Variants in DCN observed in about 807,000 individuals in gnomAD.
The protein encoded by DCN is bone proteoglycan II.
Under a neutral mutation model 36.5 loss-of-function variants are expected in DCN, and 17 were observed. That is an observed-to-expected ratio of 0.47 (90% confidence interval 0.32 to 0.70). The LOEUF (loss-of-function observed/expected upper bound fraction) is 0.70. Ranked by LOEUF, DCN falls within the 30% of genes least tolerant of loss-of-function variation. DCN has a pLI of 0.04. For synonymous variants in DCN, 163 were observed against 161.4 expected (o/e 1.01, Z -0.07); for missense variants, 389 against 430.1 (o/e 0.90, Z 0.84).
intron 3 of DCN, among the ~76,000 whole-genome samples, chr12:91,162,446 TA>T (rs1403075996): frequency 1.3e-5 from 2 of 152,200 alleles, no homozygotes; most frequent in African/African-American, 4.8e-5. Context: ...TATTTTATAT[TA>T]TTTCCTTTGT....
chr12:91,175,127 T>A (rs984636844), intron 2 of DCN: 1 of 152,152 alleles, frequency 6.6e-6, no homozygotes, highest in African/African-American at 2.4e-5. Flanking sequence ...ATTTGCTAAC[T>A]CTACATTTAT....
At chr12:91,146,284 A>G in intron 7 of DCN, 32 bp from the exon 8 acceptor site, 1 of 1,344,612 alleles carries the variant, frequency 7.4e-7, no homozygotes, top group African/African-American at 1.5e-5. Context: ...AATAATTATT[A>G]TTCTCTAAAT....
rs1881850466 is a variant in DCN, at chr12:91,157,298, CTT to C, written c.539-112_539-111del. On this transcript the variant is annotated intron_variant, in intron 4 of 7. Transcript: ENST00000052754. ...ATAAAGAAATAGGGATTAATATCAA[CTT>C]GACTAAAAAACAAAAGTGAAGTTAA... 1.3e-5 allele frequency: 10 copies of C among 799,086 alleles called. No homozygotes were observed. In the South Asian group the frequency reaches 1.4e-4, roughly 11 times the overall value. The allele number at this position is 799,086 out of a possible 1,614,324, so 49.5% of individuals were successfully genotyped here.
In DCN at chr12:91,177,535, C is replaced by A. The variant is rs552449873; in HGVS notation, c.211+807G>T. The A allele has an allele frequency of 5.7e-6, 4 of 701,732 alleles. No homozygotes were observed. The South Asian group carries it at 5.9e-5, about 10-fold the overall frequency. 43.5% of individuals were successfully genotyped at this position (701,732 alleles called of 1,614,324 possible). ...AATGAGCTGCCATGTAAACTGAGTT[C>A]ATTCCCCTTTGGCCCATCCACTGAG... On this transcript the variant is annotated intron_variant, in intron 2 of 7. Coordinates refer to ENST00000052754, the MANE Select transcript of DCN (RefSeq NM_001920.5).
At chr12:91,165,735 T>A (rs1882524051) in intron 2 of DCN, among the ~76,000 whole-genome samples, 1 of 152,118 alleles carries the variant, frequency 6.6e-6, no homozygotes, top group South Asian at 2.1e-4. Flanking sequence ...TCAGAAATAT[T>A]TTTTAGCCTT....
Position 91,157,107 on chromosome 12 carries a change from A to G in DCN, c.620T>C (p.Ile207Thr). 1 of 1,611,842 alleles carries G rather than the reference A, an allele frequency of 6.2e-7. No individual in the cohort carries two copies. Among genetic ancestry groups the G allele is most frequent in the South Asian group, 1.1e-5 (1 of 91,052 alleles). ...AATGCTGGTGATATTGGTATCAGCA[A>G]TGCGGATGTAGGAGAGCTTCTTCAT... Reference protein sequence around the residue: ...QGMKKLSYIRIADTNITSIPQ... With the variant: ...QGMKKLSYIRTADTNITSIPQ... The change falls in exon 5 of 8, where the codon ATT becomes ACT. Residue 207 changes from isoleucine (I) to threonine (T), a missense_variant. Ile to Thr is a moderately conservative substitution (Grantham distance 89). Transcript: ENST00000052754.
intron 7 of DCN, among the ~76,000 whole-genome samples, chr12:91,147,458 C>T (rs1468603000): frequency 6.6e-6 from 1 of 152,194 alleles, no homozygotes; most frequent in Non-Finnish European, 1.5e-5. Flanking sequence ...TTGTTTCTCT[C>T]CTCTAGAGTA....
chr12:91,177,445 T>C, intron 2 of DCN: 1 of 631,764 alleles, frequency 1.6e-6, no homozygotes, highest in Non-Finnish European at 2.8e-6. Context: ...GGAATCATGA[T>C]ATAAAGATTT....
At chr12:91,173,394 A>G (rs1023468364) in intron 2 of DCN, among the ~76,000 whole-genome samples, 1 of 152,144 alleles carries the variant, frequency 6.6e-6, no homozygotes, top group Non-Finnish European at 1.5e-5. Flanking sequence ...CATTCAGGTC[A>G]GGGAGACAGA....
At position 91,143,820 on chromosome 12, in the gene DCN, A is replaced by T. The variant is rs1483906112; in HGVS notation, c.*2238T>A. 1 of 148,206 alleles carries T rather than the reference A, an allele frequency of 6.7e-6. No homozygotes were observed. Among genetic ancestry groups the T allele is most frequent in the Non-Finnish European group, 1.5e-5 (1 of 67,264 alleles). The allele number at this position is 148,206 out of a possible 1,614,324, so 9.2% of individuals were successfully genotyped here. A position where few individuals can be genotyped will look rare whatever the true frequency, so the allele number is the denominator to read the frequency against. On this transcript the variant is annotated 3_prime_UTR_variant, in exon 8 of 8. Coordinates refer to ENST00000052754, the MANE Select transcript of DCN (RefSeq NM_001920.5). ...TATATGTATATATGCAAAAAGATATATATATAAATATATATATATAAAGAT... is the reference window on the plus strand; with the variant it reads ...TATATGTATATATGCAAAAAGATATTTATATAAATATATATATATAAAGAT...
At chr12:91,153,027 T>C in intron 6 of DCN, 69 bp downstream of exon 6, 2 of 855,866 alleles carry the variant, frequency 2.3e-6, no homozygotes, top group Non-Finnish European at 4.1e-6. Flanking sequence ...ATGTTTATAA[T>C]TCTTATCATA....
In DCN at chr12:91,146,043, G is replaced by A. The variant is rs1423760775; in HGVS notation, c.*15C>T. 1 of 1,607,464 alleles carries A rather than the reference G, an allele frequency of 6.2e-7. No individual in the cohort carries two copies. The highest frequency in any genetic ancestry group is 2.2e-5 in the East Asian group (1 of 44,822). On this transcript the variant is annotated 3_prime_UTR_variant, in exon 8 of 8. Coordinates refer to ENST00000052754, the MANE Select transcript of DCN (RefSeq NM_001920.5). Reference sequence around the variant, plus strand: ...AGATTTTGCCAGGTTATAAAAATGAGGGCTTTCTTGAGAATTACTTATAGT... The same window carrying A: ...AGATTTTGCCAGGTTATAAAAATGAAGGCTTTCTTGAGAATTACTTATAGT...
chr12:91,158,870 G>T (rs183821400), intron 3 of DCN, among the ~76,000 whole-genome samples: 1 of 152,058 alleles, frequency 6.6e-6, no homozygotes, highest in Non-Finnish European at 1.5e-5. Context: ...GCTGAGACAG[G>T]AGGATCACTT....
chr12:91,151,822 C>T (rs746806971), intron 6 of DCN, 30 bp from the exon 7 acceptor site: 1 of 1,613,156 alleles, frequency 6.2e-7, no homozygotes, highest in South Asian at 1.1e-5. Flanking sequence ...TGAAAGCAAA[C>T]ACCACACATG....
intron 2 of DCN, chr12:91,177,474 A>G (rs1330052476): frequency 3.1e-6 from 2 of 652,734 alleles, no homozygotes; most frequent in Non-Finnish European, 5.5e-6. Context: ...TTTCATCTCC[A>G]GTAAGAAAAT....
rs1247177088 is a variant in DCN, at chr12:91,159,097, A to G, written c.325-588T>C. 3.3e-5 allele frequency among the ~76,000 whole-genome samples: 5 copies of G among 152,228 alleles called. No homozygotes were observed. In the South Asian group the frequency reaches 6.2e-4, roughly 19 times the overall value. On this transcript the variant is annotated intron_variant, in intron 3 of 7. Transcript: ENST00000052754. The stretch of plus-strand genomic sequence containing the variant: ...CATGTATGTATGTATATGTACGTGT[A>G]TATATCTATGTAATTTTTAAATAAT...
At chr12:91,175,745 C>T (rs891823257) in intron 2 of DCN, 1 of 152,074 alleles carries the variant, frequency 6.6e-6, no homozygotes, top group Non-Finnish European at 1.5e-5. Context: ...TTGCCATCCC[C>T]AACTGCATTG....
At chr12:91,177,301 T>C in intron 2 of DCN, 1 of 457,576 alleles carries the variant, frequency 2.2e-6, no homozygotes, top group Non-Finnish European at 3.9e-6. Flanking sequence ...TATAGGCAGT[T>C]TATTCCAATT....
chr12:91,172,506 C>T (rs756786862), intron 2 of DCN: 31 of 248,018 alleles, frequency 1.2e-4, no homozygotes, highest in Non-Finnish European at 2.2e-4. Context: ...AATCTGACTG[C>T]GTTATCAGTT....
Sources: gnomAD v4.1 joint callset for allele counts (sites outside exome capture counted in the v4.1 genomes callset) on GRCh38, gnomAD v4.1.1 for gene constraint, MANE v1.5 for transcripts, NCBI Gene and HGNC (gene_info 2026-07-23, HGNC 2026-07-21) for gene names.